Variants in CREB5 observed in about 807,000 individuals in gnomAD.
CREB5 encodes the protein cyclic AMP-responsive element-binding protein 5.
Under a neutral mutation model 57.1 loss-of-function variants are expected in CREB5, and 19 were observed. The observed-to-expected ratio is 0.33, with a 90% CI of 0.23 to 0.49. The LOEUF (loss-of-function observed/expected upper bound fraction) is 0.49, where lower values mean the gene tolerates loss of function less well. Ranked by LOEUF, CREB5 falls within the 20% of genes least tolerant of loss-of-function variation. The pLI is 0.99. For synonymous variants in CREB5, 238 were observed against 238.3 expected, an observed-to-expected ratio of 1.00 and a Z score of 0.01; for missense variants, 579 against 671.6, an observed-to-expected ratio of 0.86 and a Z score of 1.52.
At chr7:28,580,305 A>T (rs924315916) in intron 5 of CREB5, among the ~76,000 whole-genome samples, 1 of 152,018 alleles carries the variant, frequency 6.6e-6, no homozygotes, top group African/African-American at 2.4e-5. Flanking sequence ...TAAAAATCTG[A>T]TGAAATAAAA....
intron 5 of CREB5, among the ~76,000 whole-genome samples, chr7:28,684,952 G>A (rs911949521): frequency 1.3e-5 from 2 of 152,202 alleles, no homozygotes; most frequent in African/African-American, 4.8e-5. Context: ...GGAGCCCTGA[G>A]TGGGGAGGTG....
At chr7:28,421,805 C>T (rs1357591906) in intron 1 of CREB5, among the ~76,000 whole-genome samples, 2 of 148,322 alleles carry the variant, frequency 1.3e-5, no homozygotes, top group African/African-American at 4.9e-5. Context: ...TATATACACA[C>T]ACCATATATA....
chr7:28,805,490 C>T (rs1228968172), intron 8 of CREB5, among the ~76,000 whole-genome samples: 1 of 152,164 alleles, frequency 6.6e-6, no homozygotes, highest in Non-Finnish European at 1.5e-5. Flanking sequence ...CCAAAAAACA[C>T]TTATTCACTG....
At chr7:28,318,035 C>A (rs1385447904) in intron 1 of CREB5, among the ~76,000 whole-genome samples, 2 of 152,300 alleles carry the variant, frequency 1.3e-5, no homozygotes, top group East Asian at 3.9e-4. Flanking sequence ...AAACAATATT[C>A]CCAAATTTCC....
chr7:28,670,438 A>AT (rs1388137141), intron 5 of CREB5, among the ~76,000 whole-genome samples: 2 of 152,234 alleles, frequency 1.3e-5, no homozygotes, highest in African/African-American at 4.8e-5. Flanking sequence ...TTAGTCGGTG[A>AT]TTTTAAATGT....
At chr7:28,686,767 AC>A (rs1453200895) in intron 5 of CREB5, among the ~76,000 whole-genome samples, 1 of 152,190 alleles carries the variant, frequency 6.6e-6, no homozygotes, top group Non-Finnish European at 1.5e-5. Flanking sequence ...AGTGACTGTA[AC>A]CGGCTTCAGA....
intron 5 of CREB5, among the ~76,000 whole-genome samples, chr7:28,585,493 T>C (rs1369979177): frequency 6.6e-6 from 1 of 152,240 alleles, no homozygotes; most frequent in Admixed American, 6.5e-5. Context: ...CTCATTTTCG[T>C]GACCGATCAG....
chr7:28,449,772 C>T (rs563155572), intron 1 of CREB5, among the ~76,000 whole-genome samples: 5 of 152,320 alleles, frequency 3.3e-5, no homozygotes, highest in African/African-American at 9.6e-5. Flanking sequence ...ACGTCAATGT[C>T]GAATTGGTTA....
intron 1 of CREB5, among the ~76,000 whole-genome samples, chr7:28,405,489 G>A (rs1027003391): frequency 5.3e-5 from 8 of 152,134 alleles, no homozygotes; most frequent in African/African-American, 9.7e-5. Flanking sequence ...ACTGCTCATC[G>A]CAGCCTTGAT....
At chr7:28,715,323 C>G (rs1802625831) in intron 5 of CREB5, among the ~76,000 whole-genome samples, 1 of 152,198 alleles carries the variant, frequency 6.6e-6, no homozygotes, top group Non-Finnish European at 1.5e-5. Flanking sequence ...TTAAATGTCT[C>G]TGAATTCAGC....
intron 4 of CREB5, among the ~76,000 whole-genome samples, chr7:28,535,479 C>T (rs986904294): frequency 2.1e-5 from 3 of 142,692 alleles, no homozygotes; most frequent in Non-Finnish European, 3.1e-5. Context: ...ATAATATTTC[C>T]TTCTCTTCAT....
At chr7:28,717,258 CG>C (rs1310620896) in intron 5 of CREB5, among the ~76,000 whole-genome samples, 1 of 151,742 alleles carries the variant, frequency 6.6e-6, no homozygotes, top group Non-Finnish European at 1.5e-5. Flanking sequence ...AGCGTTTCAC[CG>C]TGTTGGCCAG....
At chr7:28,636,920 G>T (rs764522012) in intron 5 of CREB5, among the ~76,000 whole-genome samples, 1 of 152,156 alleles carries the variant, frequency 6.6e-6, no homozygotes, top group Non-Finnish European at 1.5e-5. Flanking sequence ...TTGGGAGGTT[G>T]AGGTGTGCAG....
At chr7:28,420,971 A>AT (rs145466890) in intron 1 of CREB5, among the ~76,000 whole-genome samples, 6 of 151,812 alleles carry the variant, frequency 4.0e-5, no homozygotes, top group East Asian at 1.9e-4. Context: ...ATCCACTTTA[A>AT]TTTTTTTTTA....
intron 1 of CREB5, among the ~76,000 whole-genome samples, chr7:28,464,275 A>G (rs1308637646): frequency 6.6e-6 from 1 of 152,190 alleles, no homozygotes; most frequent in African/African-American, 2.4e-5. Context: ...ATCTATATTC[A>G]TAAGAAATAT....
chr7:28,740,998 A>ATTT (rs34485539), intron 7 of CREB5, among the ~76,000 whole-genome samples: 2 of 145,454 alleles, frequency 1.4e-5, no homozygotes, highest in Non-Finnish European at 1.5e-5. Flanking sequence ...CCATGCAGGG[A>ATTT]TTTTTTTTTT....
chr7:28,445,644 C>T (rs973005115), intron 1 of CREB5, among the ~76,000 whole-genome samples: 1 of 151,994 alleles, frequency 6.6e-6, no homozygotes, highest in African/African-American at 2.4e-5. Flanking sequence ...CTCCGCCTCC[C>T]AGGTTCACGC....
chr7:28,366,098 C>G (rs764684076), intron 1 of CREB5, among the ~76,000 whole-genome samples: 5 of 152,024 alleles, frequency 3.3e-5, no homozygotes, highest in African/African-American at 2.4e-5. Flanking sequence ...ACATTGTTTC[C>G]TTTTTCCTTA....
At chr7:28,587,594 C>G (rs991567212) in intron 5 of CREB5, among the ~76,000 whole-genome samples, 6 of 152,070 alleles carry the variant, frequency 3.9e-5, no homozygotes, top group African/African-American at 1.4e-4. Context: ...TATTAAAATC[C>G]TGATATAAAG....
Sources: gnomAD v4.1 joint callset for allele counts (sites outside exome capture counted in the v4.1 genomes callset) on GRCh38, gnomAD v4.1.1 for gene constraint, MANE v1.5 for transcripts, NCBI Gene and HGNC (gene_info 2026-07-23, HGNC 2026-07-21) for gene names.